WSB1: variants seen among roughly 807,000 people sequenced by gnomAD.
WSB1 encodes WD repeat and SOCS box-containing protein 1.
In WSB1, 23 loss-of-function variants were observed where a neutral mutation model predicts 50.2. The observed-to-expected ratio is 0.46, with a 90% CI of 0.33 to 0.65. The LOEUF is 0.65. WSB1 is among the 30% of genes least tolerant of loss of function. The pLI is 0.02. For missense variants in WSB1, 492 were observed against 522.3 expected, an observed-to-expected ratio of 0.94 and a Z score of 0.56; for synonymous variants, 179 against 172.0, an observed-to-expected ratio of 1.04 and a Z score of -0.32.
In WSB1 at chr17:27,309,113, A is replaced by G; in HGVS notation, c.725A>G (p.Asn242Ser). Residue 242 changes from asparagine (N) to serine (S), a missense_variant, in exon 6 of 9, where the codon AAT becomes AGT. Physicochemically the swap from Asn to Ser is conservative, Grantham distance 46. Coordinates refer to ENST00000262394, the MANE Select transcript of WSB1 (RefSeq NM_015626.10). ...TTTTTATTGCAGGTTTTCCTTTGGA[A>G]TATGGATAAATACACCATGATACGG... ...VGASKAVFLW[N>S]MDKYTMIRKL... The G allele has an allele frequency of 6.2e-7, 1 of 1,601,216 alleles. No individual in the cohort carries two copies. Among genetic ancestry groups the G allele is most frequent in the Middle Eastern group, 1.7e-4 (1 of 6,012 alleles).
chr17:27,299,990 C>A (rs987401108), intron 1 of WSB1, among the ~76,000 whole-genome samples: 3 of 152,028 alleles, frequency 2.0e-5, no homozygotes, highest in Non-Finnish European at 4.4e-5. Context: ...TAAACCACAC[C>A]TATTTGTTAA....
At chr17:27,295,291 C>T (rs1159733829) in intron 1 of WSB1, among the ~76,000 whole-genome samples, 1 of 152,210 alleles carries the variant, frequency 6.6e-6, no homozygotes, top group East Asian at 1.9e-4. Context: ...TAATAATTAG[C>T]TGCGGCCGCT....
Position 27,312,554 on chromosome 17 carries a change from GA to G in WSB1, c.*187del. ...ATTTATAGACAATAGAAGTATTTCTGAACATATCAAATATAAATTTTTTTAA... is the reference window on the plus strand; with the variant it reads ...ATTTATAGACAATAGAAGTATTTCTGACATATCAAATATAAATTTTTTTAA... On this transcript the variant is annotated 3_prime_UTR_variant, in exon 9 of 9. Coordinates refer to ENST00000262394, the MANE Select transcript of WSB1 (RefSeq NM_015626.10). 2.7e-6 allele frequency: 2 copies of G among 729,756 alleles called. No individual in the cohort carries two copies. Among genetic ancestry groups the G allele is most frequent in the Non-Finnish European group, 2.1e-6 (1 of 482,902 alleles). The allele number at this position is 729,756 out of a possible 1,614,324, so 45.2% of individuals were successfully genotyped here.
rs1339538971 is a variant in WSB1, at chr17:27,313,508, A to G, written c.*1139A>G. The G allele has an allele frequency of 6.6e-6, 1 of 152,440 alleles. No individual in the cohort carries two copies. Among genetic ancestry groups the G allele is most frequent in the Non-Finnish European group, 1.5e-5 (1 of 68,022 alleles). The allele number at this position is 152,440 out of a possible 1,614,324, so 9.4% of individuals were successfully genotyped here. A position where few individuals can be genotyped will look rare whatever the true frequency, so the allele number is the denominator to read the frequency against. On this transcript the variant is annotated 3_prime_UTR_variant, in exon 9 of 9. Coordinates refer to ENST00000262394, the MANE Select transcript of WSB1 (RefSeq NM_015626.10). ...TGAGTTGCCAAAGAAGCAATACAGCATATCTGCTTTTGCCTTCTGTTGTTT... is the reference window on the plus strand; with the variant it reads ...TGAGTTGCCAAAGAAGCAATACAGCGTATCTGCTTTTGCCTTCTGTTGTTT...
Position 27,303,521 on chromosome 17 carries a change from A to C in WSB1, c.364A>C (p.Lys122Gln), listed in dbSNP as rs776259457. 1 of 1,614,100 alleles carries C rather than the reference A, an allele frequency of 6.2e-7. No individual in the cohort carries two copies. Among genetic ancestry groups the C allele is most frequent in the Admixed American group, 1.7e-5 (1 of 60,010 alleles). Reference sequence around the variant, plus strand: ...TGCTTTTGGGTCATCAGTTCCAGAAAAACAGAGTCGCTGTGTAAATATAGA... The same window carrying C: ...TGCTTTTGGGTCATCAGTTCCAGAACAACAGAGTCGCTGTGTAAATATAGA... ...SLAFGSSVPE[K>Q]QSRCVNIEWH... is the part of the protein sequence containing the mutation. The change falls in exon 3 of 9, where the codon AAA (lysine) becomes CAA (glutamine). Residue 122 changes from lysine to glutamine, a missense_variant. Transcript: ENST00000262394.
chr17:27,297,802 A>G (rs2017043838), intron 1 of WSB1, among the ~76,000 whole-genome samples: 1 of 152,092 alleles, frequency 6.6e-6, no homozygotes, highest in Non-Finnish European at 1.5e-5. Context: ...AGAAAAATAT[A>G]GAGTAACCTT....
rs756100562 is a variant in WSB1, at chr17:27,301,814, T to C, written c.67T>C (p.Leu23=). ...GAGATTACGTACTATAGGTGAACTTTTAGCTCCTGCAGCTCCTTTTGACAA... is the reference window on the plus strand; with the variant it reads ...GAGATTACGTACTATAGGTGAACTTCTAGCTCCTGCAGCTCCTTTTGACAA... The part of the protein sequence containing the change: ...IVRLRTIGEL[L]APAAPFDKKC... Residue 23 remains leucine (L), a synonymous_variant, in exon 2 of 9, where the codon TTA becomes CTA. Transcript: ENST00000262394. The C allele has an allele frequency of 4.3e-6, 7 of 1,614,154 alleles. No individual in the cohort carries two copies. The South Asian group carries it at 7.7e-5, about 18-fold the overall frequency.
chr17:27,307,667 G>A (rs2017515117), intron 5 of WSB1: 6 of 1,442,418 alleles, frequency 4.2e-6, no homozygotes, highest in Non-Finnish European at 5.6e-6. Flanking sequence ...CAAATCATAA[G>A]AAGAACAAAA....
Position 27,294,269 on chromosome 17 carries a change from C to G in WSB1, c.-127C>G. 7.5e-7 allele frequency: 1 copy of G among 1,337,062 alleles called. No individual in the cohort carries two copies. The highest frequency in any genetic ancestry group is 1.0e-6 in the Non-Finnish European group (1 of 980,312). The allele number at this position is 1,337,062 out of a possible 1,614,324, so 82.8% of individuals were successfully genotyped here. On this transcript the variant is annotated 5_prime_UTR_variant, in exon 1 of 9. Transcript: ENST00000262394. ...GTTAGCAGAAGCCGCAGCGGCCGCC[C>G]CCGCCCGTCTCCTCTGTCCCTGGGC...
intron 7 of WSB1, among the ~76,000 whole-genome samples, chr17:27,310,954 T>C (rs1487026494): frequency 1.3e-5 from 2 of 152,146 alleles, no homozygotes; most frequent in Non-Finnish European, 2.9e-5. Flanking sequence ...CAGGTGATCC[T>C]CCCACCTCAG....
rs139922584 is a variant in WSB1, at chr17:27,311,515, G to T, written c.1005G>T (p.Val335=). 3.8e-4 allele frequency: 597 copies of T among 1,589,910 alleles called. 6 individuals carry two copies. The highest frequency in any genetic ancestry group is 3.2e-3 in the South Asian group (275 of 85,490). The change falls in exon 8 of 9, where the codon GTG becomes GTT. Residue 335 remains valine, a synonymous_variant. Coordinates refer to ENST00000262394, the MANE Select transcript of WSB1 (RefSeq NM_015626.10). ...TAATTTATTTCATTTTCAGAATGGT[G>T]AGGTTCTGGAGAATTGATGAGGATT... ...HVASLADDKM[V]RFWRIDEDYP...
At chr17:27,311,813 C>T (rs1354759103) in intron 8 of WSB1, among the ~76,000 whole-genome samples, 197 bp downstream of exon 8, 3 of 151,422 alleles carry the variant, frequency 2.0e-5, no homozygotes, top group Non-Finnish European at 2.9e-5. Flanking sequence ...TTTGTTTGTT[C>T]GTTTTTCCAG....
intron 6 of WSB1, among the ~76,000 whole-genome samples, 200 bp downstream of exon 6, chr17:27,309,472 T>C (rs1029397500): frequency 2.0e-5 from 3 of 152,238 alleles, no homozygotes; most frequent in Non-Finnish European, 4.4e-5. Context: ...ATACAAGTCT[T>C]GCTACTTAAC....
intron 6 of WSB1, 102 bp from the exon 7 acceptor site, chr17:27,309,959 G>A: frequency 3.6e-6 from 3 of 828,360 alleles, no homozygotes; most frequent in South Asian, 3.1e-5. Flanking sequence ...TATTAATTAA[G>A]GCTACTTTAA....
chr17:27,296,094 A>G (rs562910247), intron 1 of WSB1, among the ~76,000 whole-genome samples: 3 of 152,074 alleles, frequency 2.0e-5, no homozygotes, highest in Non-Finnish European at 2.9e-5. Flanking sequence ...CTGCCTCCCA[A>G]AGTGCTAGGA....
chr17:27,299,845 A>G (rs1356575585), intron 1 of WSB1, among the ~76,000 whole-genome samples: 3 of 152,170 alleles, frequency 2.0e-5, no homozygotes, highest in Admixed American at 6.5e-5. Context: ...TTAGGTCAGA[A>G]TCAGTACTGA....
chr17:27,311,729 C>A, intron 8 of WSB1, 113 bp downstream of exon 8: 1 of 761,574 alleles, frequency 1.3e-6, no homozygotes, highest in South Asian at 2.1e-5. Flanking sequence ...TCTTCCAGTT[C>A]AAGGAGATTC....
At chr17:27,297,939 C>G (rs1394389713) in intron 1 of WSB1, among the ~76,000 whole-genome samples, 6 of 152,040 alleles carry the variant, frequency 3.9e-5, no homozygotes, top group Admixed American at 2.0e-4. Flanking sequence ...GAAACTCCGT[C>G]TCTGCTAAAA....
chr17:27,311,921 T>G (rs1228701401), intron 8 of WSB1, among the ~76,000 whole-genome samples: 1 of 152,170 alleles, frequency 6.6e-6, no homozygotes, highest in Non-Finnish European at 1.5e-5. Context: ...GTGCTGGGAT[T>G]ACAGGCGTGA....
Sources: allele counts gnomAD v4.1 joint callset (sites outside exome capture counted in the v4.1 genomes callset), GRCh38; gene constraint gnomAD v4.1.1; transcripts MANE v1.5; gene names NCBI Gene and HGNC (gene_info 2026-07-23, HGNC 2026-07-21).